Variants in CWF19L2 observed in about 807,000 individuals in gnomAD.
The protein encoded by CWF19L2 is CWF19 like cell cycle control factor 2.
A neutral mutation model predicts 111.7 loss-of-function variants in CWF19L2; 98 were observed. The observed-to-expected ratio is 0.88, with a 90% CI of 0.75 to 1.04. The LOEUF is 1.04. CWF19L2 is among the 50% of genes least tolerant of loss of function. The probability of loss-of-function intolerance (pLI) is 0.00; values close to 1 mark genes in which losing one functional copy is unlikely to be tolerated. For missense variants in CWF19L2, 1,101 were observed against 1,051.4 expected (o/e 1.05, Z -0.65); for synonymous variants, 351 against 342.9 (o/e 1.02, Z -0.26).
chr11:107,453,607 C>A (rs1488090136), intron 3 of CWF19L2, among the ~76,000 whole-genome samples: 1 of 151,714 alleles, frequency 6.6e-6, no homozygotes, highest in Non-Finnish European at 1.5e-5. Context: ...TCAGCACATT[C>A]CCAGCTGTGG....
At chr11:107,339,597 TATATGC>T (rs1859975209) in intron 14 of CWF19L2, among the ~76,000 whole-genome samples, 1 of 152,132 alleles carries the variant, frequency 6.6e-6, no homozygotes, top group Admixed American at 6.6e-5. Flanking sequence ...ATATCATTTT[TATATGC>T]TTATTTGCCA....
chr11:107,343,754 A>G (rs1243986884), intron 14 of CWF19L2, among the ~76,000 whole-genome samples: 1 of 152,062 alleles, frequency 6.6e-6, no homozygotes, highest in Non-Finnish European at 1.5e-5. Flanking sequence ...TGATTCTAAG[A>G]GTTGCTTTAA....
intron 12 of CWF19L2, among the ~76,000 whole-genome samples, chr11:107,387,085 A>G (rs138643193): frequency 6.6e-6 from 1 of 151,750 alleles, no homozygotes; most frequent in African/African-American, 2.4e-5. Context: ...ATCCAAATCT[A>G]TATGGGAGAA....
intron 6 of CWF19L2, among the ~76,000 whole-genome samples, chr11:107,434,876 A>G (rs1861518858): frequency 6.6e-6 from 1 of 151,962 alleles, no homozygotes; most frequent in South Asian, 2.1e-4. Flanking sequence ...AGATTTTTCA[A>G]ACTGTGTGCT....
chr11:107,359,985 C>T (rs1024692869), intron 12 of CWF19L2, among the ~76,000 whole-genome samples: 1 of 152,178 alleles, frequency 6.6e-6, no homozygotes. Flanking sequence ...CTTGAGGGTG[C>T]CTCTTAGTAT....
At chr11:107,380,377 G>A (rs983132743) in intron 12 of CWF19L2, among the ~76,000 whole-genome samples, 1 of 152,004 alleles carries the variant, frequency 6.6e-6, no homozygotes, top group Non-Finnish European at 1.5e-5. Context: ...ATATCATTTT[G>A]GACTCTATGG....
At chr11:107,438,853 G>A (rs1403677989) in intron 6 of CWF19L2, among the ~76,000 whole-genome samples, 1 of 152,030 alleles carries the variant, frequency 6.6e-6, no homozygotes, top group Admixed American at 6.6e-5. Context: ...TTCAAGACTA[G>A]GCTGGGCAAC....
intron 10 of CWF19L2, among the ~76,000 whole-genome samples, chr11:107,397,185 C>T (rs544149267): frequency 1.3e-5 from 2 of 152,198 alleles, no homozygotes; most frequent in East Asian, 3.9e-4. Context: ...CAAGGGAGGG[C>T]ACAAATCCTG....
chr11:107,355,366 G>T (rs1383598220), intron 12 of CWF19L2, among the ~76,000 whole-genome samples: 1 of 150,206 alleles, frequency 6.7e-6, no homozygotes, highest in Non-Finnish European at 1.5e-5. Flanking sequence ...AGTGAGCCAA[G>T]ATAGCGCCAC....
intron 3 of CWF19L2, among the ~76,000 whole-genome samples, chr11:107,446,042 C>T (rs67382158): frequency 0.092 from 14,022 of 152,210 alleles, 856 homozygotes; most frequent in Middle Eastern, 0.15. Context: ...ACAATAGAAG[C>T]CTAGGTCCCA....
chr11:107,402,326 T>C (rs1434467774), intron 10 of CWF19L2, among the ~76,000 whole-genome samples: 1 of 150,714 alleles, frequency 6.6e-6, no homozygotes, highest in Non-Finnish European at 1.5e-5. Context: ...CTTCACAACC[T>C]ATACACCTGA....
intron 7 of CWF19L2, among the ~76,000 whole-genome samples, chr11:107,432,168 G>A (rs1481163081): frequency 6.6e-6 from 1 of 152,134 alleles, no homozygotes; most frequent in Non-Finnish European, 1.5e-5. Context: ...AGCCGAGGGG[G>A]AGAAATCTGA....
chr11:107,415,629 G>A (rs981342871), intron 10 of CWF19L2, among the ~76,000 whole-genome samples: 1 of 152,192 alleles, frequency 6.6e-6, no homozygotes, highest in African/African-American at 2.4e-5. Flanking sequence ...GAAGCAATCA[G>A]TAAGCAGCAC....
Position 107,334,861 on chromosome 11 carries a change from C to A in CWF19L2, c.2439+20G>T, listed in dbSNP as rs1449828131. On this transcript the variant is annotated intron_variant, in intron 16 of 17. Transcript: ENST00000282251. ...CTGAGCACTAGGGTAATTTCTTTTA[C>A]CAGGAAAAAACATACTTACAGACTT... 2 of 1,456,794 alleles carry A rather than the reference C, an allele frequency of 1.4e-6. No homozygotes were observed. The highest frequency in any genetic ancestry group is 1.9e-6 in the Non-Finnish European group (2 of 1,039,990). The allele number at this position is 1,456,794 out of a possible 1,614,324, so 90.2% of individuals were successfully genotyped here. A position where few individuals can be genotyped will look rare whatever the true frequency, so the allele number is the denominator to read the frequency against.
intron 10 of CWF19L2, among the ~76,000 whole-genome samples, chr11:107,414,682 C>T (rs1047311094): frequency 5.9e-5 from 9 of 152,114 alleles, no homozygotes; most frequent in Non-Finnish European, 8.8e-5. Flanking sequence ...TCTTCCACAA[C>T]TCAATTAATG....
chr11:107,457,659 A>G (rs1001358012), intron 1 of CWF19L2, 53 bp downstream of exon 1: 6 of 1,174,556 alleles, frequency 5.1e-6, no homozygotes, highest in African/African-American at 1.5e-5. Flanking sequence ...GCTTACGGGA[A>G]CCCTCAACTC....
chr11:107,384,110 CTAAA>C (rs1284911527), intron 12 of CWF19L2, among the ~76,000 whole-genome samples: 2 of 152,154 alleles, frequency 1.3e-5, no homozygotes, highest in Non-Finnish European at 2.9e-5. Flanking sequence ...CATTTGTCGA[CTAAA>C]TAAATAAGCA....
At chr11:107,353,758 AAT>A in intron 12 of CWF19L2, 22 bp from the exon 13 acceptor site, 2 of 1,587,604 alleles carry the variant, frequency 1.3e-6, no homozygotes, top group Non-Finnish European at 1.7e-6. Context: ...AAATAACAGT[AAT>A]AGAGAGTAGA....
intron 6 of CWF19L2, 32 bp downstream of exon 6, chr11:107,439,058 C>G (rs1337493832): frequency 2.2e-6 from 1 of 453,818 alleles, no homozygotes; most frequent in Non-Finnish European, 3.5e-6. Flanking sequence ...AAAAAAAAAC[C>G]CTGTGTGTCT....
Sources: allele counts gnomAD v4.1 joint callset (sites outside exome capture counted in the v4.1 genomes callset), GRCh38; gene constraint gnomAD v4.1.1; transcripts MANE v1.5; gene names NCBI Gene and HGNC (gene_info 2026-07-23, HGNC 2026-07-21).